The following PDE2A variants were observed in gnomAD, a reference collection of about 807,000 sequenced individuals.
PDE2A encodes the protein phosphodiesterase 2A, also known as cGMP-dependent 3',5'-cyclic phosphodiesterase.
PDE2A carries 53 observed loss-of-function variants against 133.6 expected under a neutral mutation model. The ratio of observed to expected loss-of-function variants is 0.40; its 90% CI spans 0.32 to 0.50. The LOEUF is 0.50. Among genes scored for constraint, PDE2A ranks in the 20% least tolerant of loss-of-function variants. The probability of loss-of-function intolerance (pLI) is 0.73; values close to 1 mark genes in which losing one functional copy is unlikely to be tolerated. For synonymous variants in PDE2A, 491 were observed against 490.2 expected (o/e 1.00, Z -0.02); for missense variants, 796 against 1,232.4 (o/e 0.65, Z 5.30).
At chr11:72,644,290 C>A (rs1467685829) in intron 1 of PDE2A, among the ~76,000 whole-genome samples, 3 of 152,222 alleles carry the variant, frequency 2.0e-5, no homozygotes, top group African/African-American at 7.2e-5. Context: ...TTTACTGAAT[C>A]TTCCAAACAG....
chr11:72,582,002 T>G, intron 21 of PDE2A, 55 bp from the exon 22 acceptor site: 798 of 1,278,494 alleles, frequency 6.2e-4, no homozygotes, highest in Non-Finnish European at 8.3e-4. Context: ...GACGGGGCCC[T>G]TGCCTGGGTC....
rs536654263 is a variant in PDE2A at position 72,639,508 on chromosome 11, G to A, written c.144+2746C>T. Among the ~76,000 whole-genome samples, 32 of 152,120 alleles carry A rather than the reference G, an allele frequency of 2.1e-4. 1 individual carries two copies. The highest frequency in any genetic ancestry group is 2.0e-3 in the Admixed American group (31 of 15,276). Reference sequence around the variant, plus strand: ...GCCTAAGCTGTTCTTACACCAACAGGCGCCACCAAAGACACCACCCAGGCC... The same window carrying A: ...GCCTAAGCTGTTCTTACACCAACAGACGCCACCAAAGACACCACCCAGGCC... On this transcript the variant is annotated intron_variant, in intron 2 of 30. Coordinates refer to ENST00000334456, the MANE Select transcript of PDE2A (RefSeq NM_002599.5).
At chr11:72,642,438 A>G (rs1858999124) in intron 1 of PDE2A, 112 bp from the exon 2 acceptor site, 2 of 1,180,160 alleles carry the variant, frequency 1.7e-6, no homozygotes, top group Non-Finnish European at 2.1e-6. Context: ...CGTCCGCGAC[A>G]GCTTCGCCTG....
chr11:72,604,272 C>T (rs534431626), intron 4 of PDE2A, among the ~76,000 whole-genome samples: 4 of 152,358 alleles, frequency 2.6e-5, no homozygotes, highest in Admixed American at 2.6e-4. Context: ...TCACTTTCCC[C>T]TAAACAGCCA....
At chr11:72,670,264 C>T (rs927633822) in intron 1 of PDE2A, among the ~76,000 whole-genome samples, 20 of 152,314 alleles carry the variant, frequency 1.3e-4, no homozygotes, top group African/African-American at 3.6e-4. Flanking sequence ...AGGAAAGACT[C>T]GGAGCTTCCA....
At chr11:72,605,852 T>C (rs1387585424) in intron 3 of PDE2A, among the ~76,000 whole-genome samples, 1 of 146,228 alleles carries the variant, frequency 6.8e-6, no homozygotes, top group East Asian at 2.5e-4. Flanking sequence ...CTCCCAGGCC[T>C]TATAGCAGGT....
rs1591070060 is a variant in PDE2A at position 72,613,506 on chromosome 11, C to T, written c.145-4755G>A. On this transcript the variant is annotated intron_variant, in intron 2 of 30. Coordinates refer to ENST00000334456, the MANE Select transcript of PDE2A (RefSeq NM_002599.5). ...GTGGACCTCCCTGCCTTCCTCCCTG[C>T]CTCCCCCGGCCGACGTCCACCTCTG... Among the ~76,000 whole-genome samples the T allele has an allele frequency of 1.3e-5, 2 of 151,906 alleles. 1 individual carries two copies. The highest frequency in any genetic ancestry group is 4.2e-4 in the South Asian group (2 of 4,814).
chr11:72,626,532 G>A, intron 2 of PDE2A, among the ~76,000 whole-genome samples: 1 of 152,326 alleles, frequency 6.6e-6, no homozygotes, highest in East Asian at 1.9e-4. Context: ...GAGAATGTTA[G>A]ATAAGGGCCC....
chr11:72,579,784 T>C, intron 25 of PDE2A, 176 bp from the exon 26 acceptor site: 1 of 597,050 alleles, frequency 1.7e-6, no homozygotes, highest in Non-Finnish European at 3.0e-6. Context: ...ACCCTCTGTG[T>C]GACCCAGGGT....
chr11:72,602,566 C>T (rs1030000215), intron 4 of PDE2A, among the ~76,000 whole-genome samples: 3 of 152,306 alleles, frequency 2.0e-5, no homozygotes, highest in East Asian at 1.9e-4. Flanking sequence ...AGGTCACCAT[C>T]GGAAGGACCC....
Position 72,631,136 on chromosome 11 carries a change from C to A in PDE2A, c.144+11118G>T, listed in dbSNP as rs760634621. Reference sequence around the variant, plus strand: ...TGGCTCCTTTGCAAGGGGGTCCAGGCTGGCTGCAGAGACAAGAAGGTCAGG... The same window carrying A: ...TGGCTCCTTTGCAAGGGGGTCCAGGATGGCTGCAGAGACAAGAAGGTCAGG... On this transcript the variant is annotated intron_variant, in intron 2 of 30. Coordinates refer to ENST00000334456, the MANE Select transcript of PDE2A (RefSeq NM_002599.5). 7 of 1,545,634 alleles carry A rather than the reference C, an allele frequency of 4.5e-6. No individual in the cohort carries two copies. The African/African-American group carries it at 9.6e-5, about 21-fold the overall frequency.
intron 6 of PDE2A, among the ~76,000 whole-genome samples, chr11:72,595,894 C>T (rs1375714660): frequency 6.6e-6 from 1 of 152,150 alleles, no homozygotes; most frequent in Non-Finnish European, 1.5e-5. Flanking sequence ...CTGGGAACTC[C>T]TCGAGGGGCT....
chr11:72,581,508 G>T (rs1052248432), intron 22 of PDE2A, 29 bp from the exon 23 acceptor site: 11 of 1,568,006 alleles, frequency 7.0e-6, no homozygotes, highest in South Asian at 1.2e-5. Flanking sequence ...CAGAAGAGGG[G>T]CCTCAGCCTC....
At chr11:72,592,278 C>A (rs565308921) in intron 6 of PDE2A, among the ~76,000 whole-genome samples, 4 of 152,342 alleles carry the variant, frequency 2.6e-5, no homozygotes, top group Admixed American at 2.0e-4. Flanking sequence ...AAGCTGCTCA[C>A]CACCTGCAGA....
In PDE2A at chr11:72,588,885, C is replaced by T; in HGVS notation, c.969G>A (p.Leu323=). ...AGAGCATGGCCTGCAGCTCACAGCC[C>T]AACATGCTCTGCAGCTGTTGTACAT... The part of the protein sequence containing the change: ...SEDVQQLQSM[L]GCELQAMLCV... Residue 323 remains leucine (L), a synonymous_variant, in exon 13 of 31, where the codon TTG becomes TTA. Coordinates refer to ENST00000334456, the MANE Select transcript of PDE2A (RefSeq NM_002599.5). The T allele has an allele frequency of 6.2e-7, 1 of 1,609,238 alleles. No individual in the cohort carries two copies. Among genetic ancestry groups the T allele is most frequent in the Non-Finnish European group, 8.5e-7 (1 of 1,176,490 alleles).
rs1309845451 is a variant in PDE2A, at chr11:72,580,638, G to C, written c.2134-14C>G. On this transcript the variant is annotated splice_polypyrimidine_tract_variant and intron_variant, in intron 24 of 30. Coordinates refer to ENST00000334456, the MANE Select transcript of PDE2A (RefSeq NM_002599.5). The stretch of plus-strand genomic sequence containing the variant: ...CAGCACAGATTTCTGGAAAAGCCCA[G>C]GAAAACTGTGGTCACTCCTCACATC... 1 of 1,558,198 alleles carries C rather than the reference G, an allele frequency of 6.4e-7. No homozygotes were observed. Among genetic ancestry groups the C allele is most frequent in the East Asian group, 2.3e-5 (1 of 42,996 alleles).
intron 2 of PDE2A, among the ~76,000 whole-genome samples, chr11:72,625,238 T>C (rs1264536448): frequency 6.6e-6 from 1 of 152,172 alleles, no homozygotes; most frequent in East Asian, 1.9e-4. Flanking sequence ...CCTCCCCTGG[T>C]CCACCAACCT....
rs1220144988 is a variant in PDE2A, at chr11:72,579,790, AGGGT to A, written c.2182-186_2182-183del. 1.6e-3 allele frequency: 938 copies of A among 595,972 alleles called. 5 individuals are homozygous for A. Among genetic ancestry groups the A allele is most frequent in the African/African-American group, 0.016 (846 of 53,886 alleles). 36.9% of individuals were successfully genotyped at this position (595,972 alleles called of 1,614,324 possible). A position where few individuals can be genotyped will look rare whatever the true frequency, so the allele number is the denominator to read the frequency against. On this transcript the variant is annotated intron_variant, in intron 25 of 30. Coordinates refer to ENST00000334456, the MANE Select transcript of PDE2A (RefSeq NM_002599.5). ...TCTGTTTCAACCCTCTGTGTGACCC[AGGGT>A]GAGTCCCTAGACCACTCTGAGCCTC...
At chr11:72,639,626 C>T (rs1436860260) in intron 2 of PDE2A, among the ~76,000 whole-genome samples, 1 of 152,180 alleles carries the variant, frequency 6.6e-6, no homozygotes, top group African/African-American at 2.4e-5. Flanking sequence ...TCTCCACACC[C>T]TCCTCCAAAC....
Sources: allele counts gnomAD v4.1 joint callset (sites outside exome capture counted in the v4.1 genomes callset), GRCh38; gene constraint gnomAD v4.1.1; transcripts MANE v1.5; gene names NCBI Gene and HGNC (gene_info 2026-07-23, HGNC 2026-07-21).